Variants in GPC5 observed in about 807,000 individuals in gnomAD.
GPC5 encodes the protein glypican-5.
A neutral mutation model predicts 53.9 loss-of-function variants in GPC5; 47 were observed. The observed-to-expected ratio is 0.87, with a 90% CI of 0.69 to 1.11. The LOEUF (loss-of-function observed/expected upper bound fraction) is 1.11, where lower values mean the gene tolerates loss of function less well. Among genes scored for constraint, GPC5 ranks in the 50% most tolerant of loss-of-function variants. The pLI is 0.00. For synonymous variants in GPC5, 286 were observed against 263.3 expected (o/e 1.09, Z -0.84); for missense variants, 748 against 713.1 (o/e 1.05, Z -0.56).
At chr13:92,401,907 C>T (rs1206419102) in intron 7 of GPC5, among the ~76,000 whole-genome samples, 1 of 152,144 alleles carries the variant, frequency 6.6e-6, no homozygotes, top group Non-Finnish European at 1.5e-5. Context: ...CTTAAAATGA[C>T]ATCTTGCTTA....
In GPC5 at chr13:91,819,769, G is replaced by T. The variant is rs569652408; in HGVS notation, c.1280+63349G>T. Reference sequence around the variant, plus strand: ...TTCTCTGCAATGCATACTGAGGAGAGAAATTGCTGGATTATAAGTTTTGCA... The same window carrying T: ...TTCTCTGCAATGCATACTGAGGAGATAAATTGCTGGATTATAAGTTTTGCA... On this transcript the variant is annotated intron_variant, in intron 5 of 7. Transcript: ENST00000377067. Among the ~76,000 whole-genome samples the T allele has an allele frequency of 2.6e-5, 4 of 152,194 alleles. No individual in the cohort carries two copies. The South Asian group carries it at 8.3e-4, about 32-fold the overall frequency.
intron 2 of GPC5, among the ~76,000 whole-genome samples, chr13:91,540,977 C>T (rs867213934): frequency 1.3e-5 from 2 of 151,736 alleles, no homozygotes; most frequent in African/African-American, 4.8e-5. Context: ...TTTTGGTGAA[C>T]GATGAGTGAA....
chr13:91,903,831 G>A (rs1594653074), intron 5 of GPC5, among the ~76,000 whole-genome samples: 1 of 152,146 alleles, frequency 6.6e-6, no homozygotes, highest in African/African-American at 2.4e-5. Flanking sequence ...CAAAAGGTAA[G>A]CAGGTAAGCA....
intron 6 of GPC5, among the ~76,000 whole-genome samples, chr13:92,139,394 G>T (rs532904773): frequency 4.6e-5 from 7 of 152,110 alleles, no homozygotes; most frequent in Non-Finnish European, 8.8e-5. Context: ...ATGGCTGGGC[G>T]CAGTGGCTCA....
At chr13:91,783,411 A>G (rs2037828827) in intron 5 of GPC5, among the ~76,000 whole-genome samples, 1 of 152,164 alleles carries the variant, frequency 6.6e-6, no homozygotes, top group Non-Finnish European at 1.5e-5. Context: ...TTTTACCTAA[A>G]TTTAAAAAAT....
intron 7 of GPC5, among the ~76,000 whole-genome samples, chr13:92,430,573 G>A (rs1376715748): frequency 6.6e-6 from 1 of 152,064 alleles, no homozygotes; most frequent in African/African-American, 2.4e-5. Context: ...ATCACATTTT[G>A]GTGCCTCTTC....
At chr13:91,695,943 A>G (rs990370439) in intron 3 of GPC5, among the ~76,000 whole-genome samples, 2 of 152,206 alleles carry the variant, frequency 1.3e-5, no homozygotes, top group Non-Finnish European at 2.9e-5. Flanking sequence ...AAAAGTTTGC[A>G]GTAGACAGGC....
At chr13:91,651,460 C>T (rs992687513) in intron 2 of GPC5, among the ~76,000 whole-genome samples, 8 of 152,154 alleles carry the variant, frequency 5.3e-5, no homozygotes, top group African/African-American at 1.9e-4. Context: ...TGGCTCATGA[C>T]TGCAATCCCA....
chr13:92,467,617 C>A (rs1243981067), intron 7 of GPC5, among the ~76,000 whole-genome samples: 1 of 151,886 alleles, frequency 6.6e-6, no homozygotes, highest in Non-Finnish European at 1.5e-5. Flanking sequence ...GGTGAAGAAA[C>A]TGAATCACAT....
At chr13:91,933,699 T>C (rs978953820) in intron 6 of GPC5, among the ~76,000 whole-genome samples, 19 of 151,938 alleles carry the variant, frequency 1.3e-4, no homozygotes, top group African/African-American at 4.3e-4. Context: ...CCAAGTCATT[T>C]TGTTTTCATT....
chr13:92,698,872 A>T lies in GPC5; in HGVS notation c.1562-167410A>T, dbSNP rs192730673. Among the ~76,000 whole-genome samples, 118 of 152,206 alleles carry T rather than the reference A, an allele frequency of 7.8e-4. 1 individual carries two copies. Among genetic ancestry groups the T allele is most frequent in the African/African-American group, 2.5e-3 (105 of 41,536 alleles). On this transcript the variant is annotated intron_variant, in intron 7 of 7. Coordinates refer to ENST00000377067, the MANE Select transcript of GPC5 (RefSeq NM_004466.6). ...TGATCGCCATTCTAACTGGTGTGAG[A>T]TAGTATCTCATTGTGGTTTTGATTT...
chr13:91,621,954 C>T (rs1486975242), intron 2 of GPC5, among the ~76,000 whole-genome samples: 3 of 151,762 alleles, frequency 2.0e-5, no homozygotes, highest in African/African-American at 7.3e-5. Context: ...CTGAGAGCCC[C>T]CTCGAAAATC....
At chr13:92,611,430 T>C (rs186740771) in intron 7 of GPC5, among the ~76,000 whole-genome samples, 1 of 152,252 alleles carries the variant, frequency 6.6e-6, no homozygotes, top group Non-Finnish European at 1.5e-5. Flanking sequence ...ACTATCACCA[T>C]GTCAGAAAAT....
At chr13:91,615,429 A>G (rs183256686) in intron 2 of GPC5, among the ~76,000 whole-genome samples, 3 of 152,294 alleles carry the variant, frequency 2.0e-5, no homozygotes, top group East Asian at 1.9e-4. Flanking sequence ...AAGAAAAAAA[A>G]TCACCTTTTG....
At chr13:91,964,462 T>C (rs963052789) in intron 6 of GPC5, among the ~76,000 whole-genome samples, 1 of 152,166 alleles carries the variant, frequency 6.6e-6, no homozygotes, top group African/African-American at 2.4e-5. Context: ...GAGTGCTGAT[T>C]GGTGCATTTA....
chr13:91,942,321 A>G (rs1257835799), intron 6 of GPC5, among the ~76,000 whole-genome samples: 1 of 152,072 alleles, frequency 6.6e-6, no homozygotes, highest in African/African-American at 2.4e-5. Context: ...AGCTTTACTT[A>G]CTACATTTCT....
At chr13:91,639,971 T>C (rs2034383345) in intron 2 of GPC5, among the ~76,000 whole-genome samples, 1 of 152,162 alleles carries the variant, frequency 6.6e-6, no homozygotes, top group Non-Finnish European at 1.5e-5. Flanking sequence ...TTTTATTCAC[T>C]ATGTCAAGTT....
chr13:92,073,583 T>C (rs1244937990), intron 6 of GPC5, among the ~76,000 whole-genome samples: 1 of 152,232 alleles, frequency 6.6e-6, no homozygotes, highest in African/African-American at 2.4e-5. Context: ...TGCAGGATGA[T>C]GACTTTCCTA....
At chr13:91,996,415 C>A (rs987814514) in intron 6 of GPC5, 1 of 152,206 alleles carries the variant, frequency 6.6e-6, no homozygotes, top group African/African-American at 2.4e-5. Context: ...ACAGAACATA[C>A]TCATAAGGCA....
Sources: allele counts gnomAD v4.1 joint callset (sites outside exome capture counted in the v4.1 genomes callset), GRCh38; gene constraint gnomAD v4.1.1; transcripts MANE v1.5; gene names NCBI Gene and HGNC (gene_info 2026-07-23, HGNC 2026-07-21).